ABCC11: variants seen among roughly 807,000 people sequenced by gnomAD.
ABCC11 encodes the protein ATP binding cassette subfamily C member 11, also known as ATP-binding cassette sub-family C member 11.
A neutral mutation model predicts 149.3 loss-of-function variants in ABCC11; 135 were observed. The observed-to-expected ratio is 0.90, with a 90% CI of 0.79 to 1.04. The LOEUF (loss-of-function observed/expected upper bound fraction) is 1.04. Among genes scored for constraint, ABCC11 ranks in the 50% least tolerant of loss-of-function variants. The pLI is 0.00. For synonymous variants in ABCC11, 665 were observed against 671.4 expected, an observed-to-expected ratio of 0.99 and a Z score of 0.15; for missense variants, 1,680 against 1,722.1, an observed-to-expected ratio of 0.98 and a Z score of 0.43.
chr16:48,202,654 C>A (rs1432660030), intron 14 of ABCC11, among the ~76,000 whole-genome samples: 1 of 151,952 alleles, frequency 6.6e-6, no homozygotes, highest in African/African-American at 2.4e-5. Flanking sequence ...TAAGAGACTA[C>A]CCTCCTGAGG....
chr16:48,229,383 G>A (rs916640206), intron 3 of ABCC11, among the ~76,000 whole-genome samples: 1 of 150,270 alleles, frequency 6.7e-6, no homozygotes, highest in African/African-American at 2.5e-5. Context: ...AATGCAGTTT[G>A]TTGATAGATA....
In ABCC11 at chr16:48,198,292, A is replaced by G; in HGVS notation, c.2083-17T>C. 1 of 1,613,068 alleles carries G rather than the reference A, an allele frequency of 6.2e-7. No homozygotes were observed. Among genetic ancestry groups the G allele is most frequent in the South Asian group, 1.1e-5 (1 of 91,052 alleles). On this transcript the variant is annotated splice_polypyrimidine_tract_variant and intron_variant, in intron 15 of 29. Transcript: ENST00000356608. The stretch of plus-strand genomic sequence containing the variant: ...TTCTAAGTACTGGACAGTCAAAAGA[A>G]AGAAAGGCTTCAGTAAGCACATGGA...
At chr16:48,231,690 AGC>A (rs375124712) in intron 2 of ABCC11, 131 bp downstream of exon 2, 3 of 1,214,558 alleles carry the variant, frequency 2.5e-6, no homozygotes, top group African/African-American at 1.6e-5. Flanking sequence ...AGAGAGAGAG[AGC>A]AAAAAGAGAA....
chr16:48,225,081 G>A (rs928889420), intron 4 of ABCC11, among the ~76,000 whole-genome samples: 3 of 149,396 alleles, frequency 2.0e-5, no homozygotes, highest in East Asian at 3.9e-4. Flanking sequence ...CACTACAGTC[G>A]GGTGCCTGTA....
chr16:48,176,983 C>T lies in ABCC11; in HGVS notation c.3479G>A (p.Gly1160Asp), dbSNP rs1966119940. 2 of 1,614,136 alleles carry T rather than the reference C, an allele frequency of 1.2e-6. No homozygotes were observed. Among genetic ancestry groups the T allele is most frequent in the African/African-American group, 2.7e-5 (2 of 75,062 alleles). ...YRDNTPTVLH[G>D]INLTIRGHEV... The stretch of plus-strand genomic sequence containing the variant: ...GTGGCCGCGGATGGTCAGGTTGATG[C>T]CGTGAAGCACGGTGGGTGTGTTGTC... The change falls in exon 25 of 30, where the codon GGC becomes GAC. Residue 1160 changes from glycine to aspartate, a missense_variant. By Grantham distance (94) the Gly-to-Asp change is moderately conservative (BLOSUM62 -1). Coordinates refer to ENST00000356608, the MANE Select transcript of ABCC11 (RefSeq NM_001370497.1).
At chr16:48,173,924 C>T (rs114182999) in intron 26 of ABCC11, among the ~76,000 whole-genome samples, 2 of 152,258 alleles carry the variant, frequency 1.3e-5, no homozygotes, top group African/African-American at 4.8e-5. Flanking sequence ...CATGCCCCAC[C>T]TCATGACCCA....
rs1219920299 is a variant in ABCC11 at position 48,177,029 on chromosome 16, C to T, written c.3433G>A (p.Asp1145Asn). Reference protein sequence around the residue: ...WPQHGEIIFQDYHMKYRDNTP... With the variant: ...WPQHGEIIFQNYHMKYRDNTP... ...TTGTCTCTGTATTTCATGTGATAAT[C>T]CTGAAATATGATTTCCCCATGCTGT... Residue 1145 changes from aspartate to asparagine, a missense_variant, in exon 25 of 30, where the codon GAT becomes AAT. Transcript: ENST00000356608. 1.9e-6 allele frequency: 3 copies of T among 1,614,216 alleles called. No individual in the cohort carries two copies. The highest frequency in any genetic ancestry group is 1.1e-5 in the South Asian group (1 of 91,084).
At chr16:48,233,405 A>G (rs1289112905) in intron 1 of ABCC11, among the ~76,000 whole-genome samples, 1 of 152,228 alleles carries the variant, frequency 6.6e-6, no homozygotes, top group Admixed American at 6.5e-5. Flanking sequence ...TAGGCTTCCC[A>G]GCCAGGGCAC....
Position 48,191,677 on chromosome 16 carries a change from G to T in ABCC11, c.2706+843C>A, listed in dbSNP as rs570642373. Among the ~76,000 whole-genome samples the T allele has an allele frequency of 4.6e-5, 7 of 152,304 alleles. No homozygotes were observed. In the East Asian group the frequency reaches 7.7e-4, roughly 17 times the overall value. On this transcript the variant is annotated intron_variant, in intron 20 of 29. Coordinates refer to ENST00000356608, the MANE Select transcript of ABCC11 (RefSeq NM_001370497.1). Reference sequence around the variant, plus strand: ...TGTGCATTTATCTTTACAGCAGCATGATTTATAATCCTGAAGCTGGAAACC... The same window carrying T: ...TGTGCATTTATCTTTACAGCAGCATTATTTATAATCCTGAAGCTGGAAACC...
intron 3 of ABCC11, among the ~76,000 whole-genome samples, 189 bp from the exon 4 acceptor site, chr16:48,228,153 AAGAG>A (rs1480379484): frequency 6.6e-6 from 1 of 152,186 alleles, no homozygotes; most frequent in South Asian, 2.1e-4. Flanking sequence ...TTTAAACAAA[AAGAG>A]AGAAATTATG....
At chr16:48,183,605 A>G (rs914858863) in intron 23 of ABCC11, among the ~76,000 whole-genome samples, 1 of 152,216 alleles carries the variant, frequency 6.6e-6, no homozygotes, top group African/African-American at 2.4e-5. Context: ...CTAACCAAAA[A>G]TACAAAAATG....
chr16:48,176,881 C>T (rs2150734110), intron 25 of ABCC11, 43 bp downstream of exon 25: 2 of 1,595,736 alleles, frequency 1.3e-6, no homozygotes, highest in East Asian at 4.5e-5. Flanking sequence ...GCCCAAAGGG[C>T]AAAGGAGGAG....
In ABCC11 at chr16:48,175,484, C is replaced by T. The variant is rs150010051; in HGVS notation, c.3539-67G>A. 6.0e-4 allele frequency: 913 copies of T among 1,525,214 alleles called. 2 individuals are homozygous for T. Among genetic ancestry groups the T allele is most frequent in the Middle Eastern group, 3.0e-3 (14 of 4,682 alleles). The allele number at this position is 1,525,214 out of a possible 1,614,324, so 94.5% of individuals were successfully genotyped here. On this transcript the variant is annotated intron_variant, in intron 25 of 29. Transcript: ENST00000356608. The stretch of plus-strand genomic sequence containing the variant: ...TGCACTAGCGGAAGCACAGATCGCA[C>T]CTGGCGATCACACCTGACCCGCTGC...
intron 20 of ABCC11, among the ~76,000 whole-genome samples, chr16:48,191,261 T>C (rs1339919651): frequency 1.3e-5 from 2 of 152,180 alleles, no homozygotes; most frequent in Non-Finnish European, 2.9e-5. Flanking sequence ...ATGGGCCAGG[T>C]GCAGTGACTC....
At chr16:48,165,495 C>A (rs1164010961), downstream of ABCC11, among the ~76,000 whole-genome samples, 1 of 152,216 alleles carries the variant, frequency 6.6e-6, no homozygotes, top group Admixed American at 6.5e-5. Flanking sequence ...CTGCCTTGAA[C>A]ATTCTTTCCT....
At chr16:48,221,629 G>A (rs968077734) in intron 6 of ABCC11, among the ~76,000 whole-genome samples, 9 of 152,226 alleles carry the variant, frequency 5.9e-5, no homozygotes, top group East Asian at 3.8e-4. Context: ...CTTAGGGGAC[G>A]CACTTTCCAA....
At chr16:48,194,211 T>C (rs1967184331) in intron 18 of ABCC11, among the ~76,000 whole-genome samples, 1 of 152,180 alleles carries the variant, frequency 6.6e-6, no homozygotes, top group African/African-American at 2.4e-5. Context: ...AGGTACCAAA[T>C]GTCAGCAACA....
At chr16:48,174,304 G>A (rs1965897822) in intron 26 of ABCC11, among the ~76,000 whole-genome samples, 1 of 152,176 alleles carries the variant, frequency 6.6e-6, no homozygotes, top group Non-Finnish European at 1.5e-5. Flanking sequence ...GCTCAGAAAA[G>A]GCAAGTTAAA....
chr16:48,215,814 G>T (rs11863133), intron 7 of ABCC11, among the ~76,000 whole-genome samples: 21,764 of 152,200 alleles, frequency 0.14, 2,058 homozygotes, highest in African/African-American at 0.27. Flanking sequence ...ACATTCTGGG[G>T]AGAAGAGACG....
Sources: allele counts gnomAD v4.1 joint callset (sites outside exome capture counted in the v4.1 genomes callset), GRCh38; gene constraint gnomAD v4.1.1; transcripts MANE v1.5; gene names NCBI Gene and HGNC (gene_info 2026-07-23, HGNC 2026-07-21).